Variants in TFRC observed in about 807,000 individuals in gnomAD.
TFRC encodes the protein transferrin receptor protein 1.
In TFRC, 35 loss-of-function variants were observed where a neutral mutation model predicts 85.8. The observed-to-expected ratio is 0.41, with a 90% CI of 0.31 to 0.54. The LOEUF (loss-of-function observed/expected upper bound fraction) is 0.54. Among genes scored for constraint, TFRC ranks in the 20% least tolerant of loss-of-function variants. The probability of loss-of-function intolerance (pLI) is 0.31; values close to 1 mark genes in which losing one functional copy is unlikely to be tolerated. For missense variants in TFRC, 828 were observed against 921.5 expected, an observed-to-expected ratio of 0.90 and a Z score of 1.31; for synonymous variants, 362 against 328.6, an observed-to-expected ratio of 1.10 and a Z score of -1.10.
At chr3:196,080,637 G>A (rs923406160) in intron 1 of TFRC, among the ~76,000 whole-genome samples, 2 of 152,226 alleles carry the variant, frequency 1.3e-5, no homozygotes, top group Non-Finnish European at 2.9e-5. Flanking sequence ...TAACTGCCTC[G>A]CCTTAGGGCG....
intron 13 of TFRC, among the ~76,000 whole-genome samples, chr3:196,061,306 T>C (rs562365979): frequency 2.1e-4 from 32 of 152,338 alleles, no homozygotes; most frequent in Admixed American, 1.6e-3. Context: ...TGGCATAGTT[T>C]AGTTTCTTCT....
intron 16 of TFRC, 103 bp downstream of exon 16, chr3:196,058,181 G>T: frequency 1.1e-6 from 1 of 877,800 alleles, no homozygotes. Flanking sequence ...GTACATAGTT[G>T]ACTATAGCAC....
intron 7 of TFRC, among the ~76,000 whole-genome samples, 191 bp from the exon 8 acceptor site, chr3:196,068,321 AAG>A: frequency 1.3e-5 from 2 of 152,286 alleles, no homozygotes; most frequent in South Asian, 4.1e-4. Flanking sequence ...TTTGCAAAAT[AAG>A]AGTAACGGGC....
chr3:196,059,143 G>A lies in TFRC; in HGVS notation c.1537-511C>T, dbSNP rs41297509. 4.5e-3 allele frequency among the ~76,000 whole-genome samples: 682 copies of A among 152,184 alleles called. 30 individuals carry two copies. The East Asian group carries it at 0.092, about 21-fold the overall frequency. ...ATCCTGGCCAACATGGTGAAACCCC[G>A]TCTCTACTAAAAATACAAAAATTAG... is the stretch of plus-strand genomic sequence containing the variant. On this transcript the variant is annotated intron_variant, in intron 14 of 18. Coordinates refer to ENST00000360110, the MANE Select transcript of TFRC (RefSeq NM_001128148.3).
At position 196,052,151 on chromosome 3, in the gene TFRC, G is replaced by T. The variant is rs1716369915; in HGVS notation, c.2074C>A (p.Pro692Thr). ...EYHFLSPYVS[P>T]KESPFRHVFW... ...ACATGTCGGAAAGGAGACTCTTTTG[G>T]AGATACGTAGGGAGAGAGGAAGTGA... Residue 692 changes from proline to threonine, a missense_variant, in exon 19 of 19, where the codon CCA (proline) becomes ACA (threonine). Coordinates refer to ENST00000360110, the MANE Select transcript of TFRC (RefSeq NM_001128148.3). The T allele has an allele frequency of 6.2e-7, 1 of 1,613,972 alleles. No homozygotes were observed. The highest frequency in any genetic ancestry group is 1.7e-5 in the Admixed American group (1 of 59,998).
chr3:196,071,306 C>G, intron 6 of TFRC, 90 bp downstream of exon 6: 1 of 1,226,450 alleles, frequency 8.2e-7, no homozygotes, highest in South Asian at 1.3e-5. Flanking sequence ...TTACATTTTA[C>G]AGGTAAATTT....
chr3:196,072,569 T>C (rs1380817281), intron 4 of TFRC, among the ~76,000 whole-genome samples: 2 of 152,224 alleles, frequency 1.3e-5, no homozygotes, highest in African/African-American at 2.4e-5. Flanking sequence ...TCTCCCATAC[T>C]TCTTTCTATT....
At chr3:196,061,650 C>G (rs41297471) in intron 13 of TFRC, among the ~76,000 whole-genome samples, 1 of 152,110 alleles carries the variant, frequency 6.6e-6, no homozygotes, top group Non-Finnish European at 1.5e-5. Flanking sequence ...CCACCACACC[C>G]GGCTAATTTT....
intron 13 of TFRC, among the ~76,000 whole-genome samples, chr3:196,061,238 C>T (rs1398612221): frequency 6.6e-6 from 1 of 152,182 alleles, no homozygotes; most frequent in African/African-American, 2.4e-5. Context: ...TCCAATATTT[C>T]TATCAGTGAT....
intron 2 of TFRC, 34 bp from the exon 3 acceptor site, chr3:196,075,394 G>C: frequency 1.2e-6 from 2 of 1,606,096 alleles, no homozygotes; most frequent in Non-Finnish European, 1.7e-6. Flanking sequence ...TGAAGAACAG[G>C]CACGGGAATG....
chr3:196,059,012 A>T (rs1018791588), intron 14 of TFRC: 2 of 154,194 alleles, frequency 1.3e-5, no homozygotes, highest in Non-Finnish European at 2.9e-5. Context: ...TAAAAAAAAA[A>T]AAGGAAAAAA....
chr3:196,076,543 G>A (rs1400600989), intron 2 of TFRC, among the ~76,000 whole-genome samples: 3 of 150,250 alleles, frequency 2.0e-5, no homozygotes, highest in Non-Finnish European at 3.0e-5. Flanking sequence ...TCCGCCTCCC[G>A]GGTTCAAGCA....
Position 196,053,426 on chromosome 3 carries a change from C to T in TFRC, c.2032G>A (p.Val678Ile), listed in dbSNP as rs144481270. The part of the protein sequence containing the change: ...RFVMKKLNDR[V>I]MRVEYHFLSP... ...CCCAAAAGTTCACTTACTCTCATGA[C>T]ACGATCATTGAGTTTCTTCATGACA... The change falls in exon 18 of 19, where the codon GTC becomes ATC. Residue 678 changes from valine to isoleucine, a missense_variant. By Grantham distance (29) the Val-to-Ile change is conservative. Transcript: ENST00000360110. The T allele has an allele frequency of 1.2e-5, 19 of 1,614,062 alleles. No homozygotes were observed. Among genetic ancestry groups the T allele is most frequent in the Non-Finnish European group, 1.5e-5 (18 of 1,180,034 alleles).
intron 7 of TFRC, among the ~76,000 whole-genome samples, 195 bp from the exon 8 acceptor site, chr3:196,068,325 G>GTC (rs1717900089): frequency 6.6e-6 from 1 of 152,138 alleles, no homozygotes; most frequent in African/African-American, 2.4e-5. Flanking sequence ...CAAAATAAGA[G>GTC]TAACGGGCCA....
At chr3:196,081,431 G>T (rs1719166713) in intron 1 of TFRC, among the ~76,000 whole-genome samples, 1 of 152,274 alleles carries the variant, frequency 6.6e-6, no homozygotes, top group East Asian at 1.9e-4. Flanking sequence ...ATCGGGGACA[G>T]CTTTGTCCCT....
chr3:196,062,960 C>T (rs1487808620), intron 11 of TFRC, 21 bp from the exon 12 acceptor site: 1 of 1,608,522 alleles, frequency 6.2e-7, no homozygotes, highest in East Asian at 2.2e-5. Context: ...AAAAAGTTAG[C>T]TTTACCTGAG....
intron 16 of TFRC, among the ~76,000 whole-genome samples, chr3:196,056,021 G>A (rs920398390): frequency 3.3e-5 from 5 of 151,824 alleles, no homozygotes; most frequent in Admixed American, 1.3e-4. Context: ...CCAGGCTGGA[G>A]TGCAGTGATG....
intron 10 of TFRC, 41 bp from the exon 11 acceptor site, chr3:196,064,469 C>G: frequency 6.5e-7 from 1 of 1,547,350 alleles, no homozygotes; most frequent in Non-Finnish European, 8.7e-7. Context: ...CTTATATAAT[C>G]AGCTTCTAAA....
At chr3:196,071,650 G>T in intron 5 of TFRC, 152 bp from the exon 6 acceptor site, 1 of 855,934 alleles carries the variant, frequency 1.2e-6, no homozygotes, top group Non-Finnish European at 1.8e-6. Context: ...TGGGCCGCAT[G>T]CGGTGGCTCA....
Sources: gnomAD v4.1 joint callset for allele counts (sites outside exome capture counted in the v4.1 genomes callset) on GRCh38, gnomAD v4.1.1 for gene constraint, MANE v1.5 for transcripts, NCBI Gene and HGNC (gene_info 2026-07-23, HGNC 2026-07-21) for gene names.